MTUS2: variants seen among roughly 807,000 people sequenced by gnomAD.
The protein encoded by MTUS2 is microtubule associated scaffold protein 2.
In MTUS2, 40 loss-of-function variants were observed where a neutral mutation model predicts 114.1. The ratio of observed to expected loss-of-function variants is 0.35; its 90% CI spans 0.27 to 0.46. The LOEUF (loss-of-function observed/expected upper bound fraction) is 0.46. Ranked by LOEUF, MTUS2 falls within the 20% of genes least tolerant of loss-of-function variation. The pLI, the probability that MTUS2 is intolerant of heterozygous loss-of-function variation, is 1.00. For missense variants in MTUS2, 1,679 were observed against 1,705.4 expected, an observed-to-expected ratio of 0.98 and a Z score of 0.27; for synonymous variants, 688 against 672.0, an observed-to-expected ratio of 1.02 and a Z score of -0.37.
intron 5 of MTUS2, among the ~76,000 whole-genome samples, chr13:29,235,372 C>T (rs765129526): frequency 2.6e-5 from 4 of 152,158 alleles, no homozygotes; most frequent in African/African-American, 4.8e-5. Flanking sequence ...GGATTGCAGG[C>T]ATGAGCGACC....
At chr13:29,478,728 G>A (rs1207696270) in intron 9 of MTUS2, among the ~76,000 whole-genome samples, 1 of 152,076 alleles carries the variant, frequency 6.6e-6, no homozygotes, top group Non-Finnish European at 1.5e-5. Flanking sequence ...CTCTGCCCTC[G>A]GTGGGCCCTG....
intron 5 of MTUS2, among the ~76,000 whole-genome samples, chr13:29,180,828 T>A (rs999378468): frequency 1.3e-5 from 2 of 152,156 alleles, no homozygotes; most frequent in African/African-American, 4.8e-5. Flanking sequence ...GCCTTTGGCC[T>A]CATCAGCACA....
chr13:29,423,509 G>C (rs922188385), intron 8 of MTUS2, among the ~76,000 whole-genome samples: 5 of 152,214 alleles, frequency 3.3e-5, no homozygotes, highest in Non-Finnish European at 7.3e-5. Context: ...GGACCAAAAA[G>C]AAGGGCTGCA....
rs530821179 is a variant in MTUS2 at position 29,204,401 on chromosome 13, T to C, written c.2645-77303T>C. On this transcript the variant is annotated intron_variant, in intron 5 of 15. Transcript: ENST00000612955. ...CAAGCCTTCCAAAGCCGCTGCTTCA[T>C]GTAGGCCAGGTGAGCCTCGGAAAAG... 8.5e-5 allele frequency among the ~76,000 whole-genome samples: 13 copies of C among 152,324 alleles called. No individual in the cohort carries two copies. In the South Asian group the frequency reaches 2.3e-3, roughly 27 times the overall value.
chr13:29,217,344 G>A (rs1347812988), intron 5 of MTUS2, among the ~76,000 whole-genome samples: 3 of 151,948 alleles, frequency 2.0e-5, no homozygotes, highest in Non-Finnish European at 4.4e-5. Context: ...TATTACATAG[G>A]CATACCTTGG....
chr13:29,342,119 C>T (rs756139670), intron 7 of MTUS2, among the ~76,000 whole-genome samples: 3 of 151,946 alleles, frequency 2.0e-5, no homozygotes, highest in Non-Finnish European at 4.4e-5. Flanking sequence ...CTTAGCCTTG[C>T]TTTGGCTATG....
intron 1 of MTUS2, among the ~76,000 whole-genome samples, chr13:28,831,550 A>T (rs569695427): frequency 9.5e-5 from 4 of 42,240 alleles, no homozygotes; most frequent in Non-Finnish European, 2.0e-4. Context: ...CAGAAGACAA[A>T]GAAGGTCATT....
At chr13:28,979,227 T>A (rs1179725252) in intron 2 of MTUS2, among the ~76,000 whole-genome samples, 1 of 152,216 alleles carries the variant, frequency 6.6e-6, no homozygotes, top group Admixed American at 6.5e-5. Context: ...TGTTAGGTAC[T>A]CTGTGTTGAG....
At position 28,825,792 on chromosome 13, in the gene MTUS2, A is replaced by T. The variant is rs534951577; in HGVS notation, c.-316+5181A>T. On this transcript the variant is annotated intron_variant, in intron 1 of 15. Transcript: ENST00000612955. ...ATTTTAAACTCTCAACAACCAAAAC[A>T]CAAATCTCTCATATAGAGGTTCCTT... Among the ~76,000 whole-genome samples, 9 of 152,274 alleles carry T rather than the reference A, an allele frequency of 5.9e-5. No homozygotes were observed. In the South Asian group the frequency reaches 1.9e-3, roughly 32 times the overall value.
At chr13:28,995,429 CTG>C (rs958610659) in intron 2 of MTUS2, among the ~76,000 whole-genome samples, 2 of 152,154 alleles carry the variant, frequency 1.3e-5, no homozygotes, top group Non-Finnish European at 2.9e-5. Context: ...TTTTCCAATT[CTG>C]TGAAGAAAGT....
chr13:29,278,852 A>G (rs148640503), intron 5 of MTUS2, among the ~76,000 whole-genome samples: 16 of 152,274 alleles, frequency 1.1e-4, no homozygotes, highest in African/African-American at 3.9e-4. Context: ...TCTTCTCTTT[A>G]GTCTTTCATC....
At chr13:28,932,456 C>T (rs1468185882) in intron 2 of MTUS2, among the ~76,000 whole-genome samples, 1 of 152,132 alleles carries the variant, frequency 6.6e-6, no homozygotes, top group Non-Finnish European at 1.5e-5. Context: ...AACCAATACC[C>T]CACGGTACTG....
At chr13:29,090,200 G>C (rs1889875771) in intron 4 of MTUS2, among the ~76,000 whole-genome samples, 1 of 152,168 alleles carries the variant, frequency 6.6e-6, no homozygotes. Flanking sequence ...GTGGGCAAAG[G>C]CTCAGTCAGT....
At chr13:29,012,747 G>A (rs1442243006) in intron 2 of MTUS2, among the ~76,000 whole-genome samples, 4 of 152,182 alleles carry the variant, frequency 2.6e-5, no homozygotes, top group African/African-American at 7.2e-5. Context: ...GGTGGTGGGC[G>A]CCTGTAGTCC....
At chr13:29,235,221 C>T (rs948796859) in intron 5 of MTUS2, among the ~76,000 whole-genome samples, 7 of 152,146 alleles carry the variant, frequency 4.6e-5, no homozygotes, top group East Asian at 3.9e-4. Flanking sequence ...CTCAGCCTTC[C>T]GAGTAGCTGG....
intron 5 of MTUS2, among the ~76,000 whole-genome samples, chr13:29,190,442 C>T (rs1376315292): frequency 2.0e-5 from 3 of 152,220 alleles, no homozygotes; most frequent in African/African-American, 7.2e-5. Flanking sequence ...ACACCCAGGT[C>T]GCCTGGCTCT....
At position 29,333,720 on chromosome 13, in the gene MTUS2, G is replaced by A. The variant is rs552962915; in HGVS notation, c.2905+9009G>A. Among the ~76,000 whole-genome samples the A allele has an allele frequency of 2.0e-5, 3 of 152,278 alleles. No individual in the cohort carries two copies. The South Asian group carries it at 6.2e-4, about 32-fold the overall frequency. On this transcript the variant is annotated intron_variant, in intron 7 of 15. Coordinates refer to ENST00000612955, the MANE Select transcript of MTUS2 (RefSeq NM_001033602.4). ...TATTAGGTCCGTTTGGTCCAGAGCT[G>A]AGTTCAAGTCCTGAATATCCGTGTT...
intron 8 of MTUS2, among the ~76,000 whole-genome samples, chr13:29,395,953 A>G (rs1873884091): frequency 6.6e-6 from 1 of 152,200 alleles, no homozygotes; most frequent in South Asian, 2.1e-4. Context: ...TTTGAAATGA[A>G]ATAACACTGA....
At chr13:29,486,086 C>T (rs1177337046) in intron 10 of MTUS2, among the ~76,000 whole-genome samples, 1 of 152,188 alleles carries the variant, frequency 6.6e-6, no homozygotes, top group Non-Finnish European at 1.5e-5. Context: ...TGAAAACCTC[C>T]TATAAACAGG....
Sources: allele counts gnomAD v4.1 joint callset (sites outside exome capture counted in the v4.1 genomes callset), GRCh38; gene constraint gnomAD v4.1.1; transcripts MANE v1.5; gene names NCBI Gene and HGNC (gene_info 2026-07-23, HGNC 2026-07-21).